The following CADM1 variants were observed in gnomAD, a reference collection of about 807,000 sequenced individuals.
The protein encoded by CADM1 is cell adhesion molecule 1.
A neutral mutation model predicts 53.1 loss-of-function variants in CADM1; 15 were observed. The observed-to-expected ratio is 0.28, with a 90% CI of 0.19 to 0.44. The LOEUF (loss-of-function observed/expected upper bound fraction) is 0.44. Ranked by LOEUF, CADM1 falls within the 20% of genes least tolerant of loss-of-function variation. The pLI, the probability that CADM1 is intolerant of heterozygous loss-of-function variation, is 1.00. For synonymous variants in CADM1, 281 were observed against 243.0 expected, an observed-to-expected ratio of 1.16 and a Z score of -1.45; for missense variants, 434 against 611.3, an observed-to-expected ratio of 0.71 and a Z score of 3.06.
At chr11:115,364,227 T>C (rs1946100879) in intron 1 of CADM1, among the ~76,000 whole-genome samples, 1 of 152,216 alleles carries the variant, frequency 6.6e-6, no homozygotes, top group Non-Finnish European at 1.5e-5. Context: ...TTTCAAAACC[T>C]ACAGTTCTTA....
chr11:115,285,686 G>C (rs1385447655), intron 1 of CADM1, among the ~76,000 whole-genome samples: 2 of 152,152 alleles, frequency 1.3e-5, no homozygotes, highest in East Asian at 1.9e-4. Flanking sequence ...AGTAGCCTAA[G>C]TTTGATAGAT....
intron 10 of CADM1, among the ~76,000 whole-genome samples, chr11:115,189,509 T>C (rs6589483): frequency 1 from 152,214 of 152,232 alleles, 76,098 homozygotes; most frequent in Non-Finnish European, 1. Flanking sequence ...GACTGTCTAT[T>C]ACCAGAAATG....
intron 1 of CADM1, among the ~76,000 whole-genome samples, chr11:115,278,639 C>A (rs1056177822): frequency 6.6e-6 from 1 of 152,122 alleles, no homozygotes; most frequent in African/African-American, 2.4e-5. Flanking sequence ...ACAGTGTATT[C>A]CACGAAGAAC....
intron 1 of CADM1, among the ~76,000 whole-genome samples, chr11:115,410,924 G>C (rs1461130245): frequency 2.0e-5 from 3 of 152,124 alleles, no homozygotes; most frequent in Non-Finnish European, 4.4e-5. Flanking sequence ...TTGCTGCCAT[G>C]ACCATAAAAA....
intron 5 of CADM1, among the ~76,000 whole-genome samples, chr11:115,227,707 T>C (rs773198463): frequency 2.0e-5 from 3 of 152,308 alleles, no homozygotes; most frequent in Admixed American, 2.0e-4. Flanking sequence ...GCAGATTAAA[T>C]GAATTAACGA....
intron 1 of CADM1, among the ~76,000 whole-genome samples, chr11:115,480,147 T>A (rs1421806272): frequency 1.3e-5 from 2 of 152,188 alleles, no homozygotes; most frequent in African/African-American, 4.8e-5. Context: ...CATCTCCACT[T>A]AAGAAAAGAT....
Position 115,348,968 on chromosome 11 carries a change from C to T in CADM1, c.125-108548G>A, listed in dbSNP as rs530659358. Among the ~76,000 whole-genome samples, 10 of 152,176 alleles carry T rather than the reference C, an allele frequency of 6.6e-5. No individual in the cohort carries two copies. The South Asian group carries it at 2.1e-3, about 32-fold the overall frequency. On this transcript the variant is annotated intron_variant, in intron 1 of 11. Coordinates refer to ENST00000331581, the MANE Select transcript of CADM1 (RefSeq NM_001301043.2). ...ATATTAGATTATTAAAAGGGACATG[C>T]TAATGTGACATTTTACTATTACAAA...
At chr11:115,319,395 A>G (rs548500917) in intron 1 of CADM1, among the ~76,000 whole-genome samples, 3 of 152,288 alleles carry the variant, frequency 2.0e-5, no homozygotes, top group East Asian at 3.9e-4. Flanking sequence ...CAGAAAAAAG[A>G]AGGCTGAATT....
chr11:115,358,817 A>T (rs534267109), intron 1 of CADM1, among the ~76,000 whole-genome samples: 11 of 152,242 alleles, frequency 7.2e-5, no homozygotes, highest in African/African-American at 2.7e-4. Context: ...TCTAAGGAGT[A>T]TAAGTAAATC....
At chr11:115,238,770 T>C (rs1942102435) in intron 2 of CADM1, 118 bp from the exon 3 acceptor site, 6 of 999,232 alleles carry the variant, frequency 6.0e-6, no homozygotes, top group Non-Finnish European at 9.3e-6. Flanking sequence ...TTTTGGGTGT[T>C]TGCAGTAACT....
At chr11:115,463,420 T>A (rs941367776) in intron 1 of CADM1, among the ~76,000 whole-genome samples, 2 of 152,204 alleles carry the variant, frequency 1.3e-5, no homozygotes, top group South Asian at 2.1e-4. Flanking sequence ...TCACCTCTGG[T>A]TTAAAGAAAA....
intron 1 of CADM1, among the ~76,000 whole-genome samples, chr11:115,382,782 CTG>C (rs1946610147): frequency 2.6e-5 from 4 of 152,160 alleles, no homozygotes; most frequent in Admixed American, 2.0e-4. Context: ...CTACTTAAAA[CTG>C]TAAGATCCAG....
intron 10 of CADM1, among the ~76,000 whole-genome samples, chr11:115,180,409 T>C (rs1939254815): frequency 6.6e-6 from 1 of 150,744 alleles, no homozygotes; most frequent in South Asian, 2.1e-4. Flanking sequence ...ATGATGGGAG[T>C]TTAATTGGAG....
At chr11:115,221,501 T>A (rs1941404007) in intron 5 of CADM1, among the ~76,000 whole-genome samples, 1 of 152,164 alleles carries the variant, frequency 6.6e-6, no homozygotes, top group South Asian at 2.1e-4. Context: ...TTAAATGTAC[T>A]TTGCTCTCTC....
intron 1 of CADM1, among the ~76,000 whole-genome samples, chr11:115,490,957 T>A (rs1949483287): frequency 6.6e-6 from 1 of 152,188 alleles, no homozygotes; most frequent in Non-Finnish European, 1.5e-5. Context: ...TGCTGTTTTG[T>A]CATTCATATT....
At chr11:115,465,214 C>T (rs371013063) in intron 1 of CADM1, among the ~76,000 whole-genome samples, 4 of 152,120 alleles carry the variant, frequency 2.6e-5, no homozygotes, top group Non-Finnish European at 4.4e-5. Context: ...ATACTACATC[C>T]GGGCTTGAAG....
intron 1 of CADM1, among the ~76,000 whole-genome samples, chr11:115,469,328 T>A (rs533727138): frequency 6.6e-6 from 1 of 152,316 alleles, no homozygotes; most frequent in African/African-American, 2.4e-5. Context: ...TTTACATATA[T>A]TAACTCATTT....
intron 1 of CADM1, among the ~76,000 whole-genome samples, chr11:115,351,867 A>AG (rs781595754): frequency 2.4e-4 from 36 of 152,210 alleles, no homozygotes; most frequent in Non-Finnish European, 4.9e-4. Flanking sequence ...GGCAAGACAA[A>AG]GATGAGGAGG....
intron 1 of CADM1, among the ~76,000 whole-genome samples, chr11:115,448,664 G>A (rs1948505344): frequency 1.3e-5 from 2 of 150,522 alleles, no homozygotes; most frequent in Admixed American, 6.6e-5. Flanking sequence ...TGGGGGGTAG[G>A]AGGGGGTGGG....
Sources: allele counts gnomAD v4.1 joint callset (sites outside exome capture counted in the v4.1 genomes callset), GRCh38; gene constraint gnomAD v4.1.1; transcripts MANE v1.5; gene names NCBI Gene and HGNC (gene_info 2026-07-23, HGNC 2026-07-21).